Variants in ARHGAP39 observed in about 807,000 individuals in gnomAD.
ARHGAP39 encodes the protein Rho GTPase activating protein 39.
ARHGAP39 carries 44 observed loss-of-function variants against 106.9 expected under a neutral mutation model. The ratio of observed to expected loss-of-function variants is 0.41; its 90% CI spans 0.32 to 0.53. The LOEUF (loss-of-function observed/expected upper bound fraction) is 0.53. Among genes scored for constraint, ARHGAP39 ranks in the 20% least tolerant of loss-of-function variants. The pLI is 0.21. For synonymous variants in ARHGAP39, 768 were observed against 693.2 expected, an observed-to-expected ratio of 1.11 and a Z score of -1.69; for missense variants, 1,496 against 1,577.3, an observed-to-expected ratio of 0.95 and a Z score of 0.87.
In ARHGAP39 at chr8:144,581,088, C is replaced by T. The variant is rs1386818797; in HGVS notation, c.270G>A (p.Thr90=). 7 of 1,589,516 alleles carry T rather than the reference C, an allele frequency of 4.4e-6. No individual in the cohort carries two copies. The highest frequency in any genetic ancestry group is 4.3e-6 in the Non-Finnish European group (5 of 1,168,954). ...FYYYNASTQR[T]VWHRPQGCDI... ...CGCAGCCCTGCGGCCGGTGCCACAC[C>T]GTGCGCTGCGTGCTGGCATTGTAGT... Residue 90 remains threonine (T), a synonymous_variant, in exon 3 of 12, where the codon ACG becomes ACA. Transcript: ENST00000377307.
the ARHGAP39 span, among the ~76,000 whole-genome samples, chr8:144,692,188 T>C: frequency 1.3e-5 from 2 of 152,086 alleles, no homozygotes; most frequent in African/African-American, 4.8e-5. Flanking sequence ...CTCTGTCTCT[T>C]TCCCCCTCCC....
intron 1 of ARHGAP39, among the ~76,000 whole-genome samples, chr8:144,613,964 G>C (rs998436604): frequency 1.3e-5 from 2 of 152,058 alleles, no homozygotes; most frequent in Non-Finnish European, 2.9e-5. Flanking sequence ...TCTTTTCCTT[G>C]TTTCAGTTTG....
At chr8:144,608,156 CAAAAAAAAAAAAAA>C (rs60966946) in intron 1 of ARHGAP39, among the ~76,000 whole-genome samples, 3 of 96,330 alleles carry the variant, frequency 3.1e-5, no homozygotes, top group Admixed American at 1.2e-4. Flanking sequence ...GACTCTGTCT[CAAAAAAAAAAAAAA>C]AAAAAAAAAA....
At chr8:144,566,545 AC>A (rs976586414) in intron 3 of ARHGAP39, among the ~76,000 whole-genome samples, 7 of 152,150 alleles carry the variant, frequency 4.6e-5, no homozygotes, top group Middle Eastern at 3.2e-3. Context: ...AAAGAGCCAG[AC>A]CCTGCCTCAA....
chr8:144,691,934 G>A, the ARHGAP39 span, among the ~76,000 whole-genome samples: 4 of 152,200 alleles, frequency 2.6e-5, no homozygotes, highest in Non-Finnish European at 5.9e-5. Flanking sequence ...TTCTTCTGTA[G>A]TTTGCTGTCC....
chr8:144,694,341 C>T, the ARHGAP39 span, among the ~76,000 whole-genome samples: 1 of 152,070 alleles, frequency 6.6e-6, no homozygotes, highest in Non-Finnish European at 1.5e-5. Flanking sequence ...GGGTAATGAA[C>T]GTTCACTGTT....
Position 144,547,532 on chromosome 8 carries a change from C to T in ARHGAP39, c.1554G>A (p.Val518=). 1 of 1,480,596 alleles carries T rather than the reference C, an allele frequency of 6.8e-7. No homozygotes were observed. The highest frequency in any genetic ancestry group is 8.9e-7 in the Non-Finnish European group (1 of 1,119,202). 91.7% of individuals were successfully genotyped at this position (1,480,596 alleles called of 1,614,324 possible). A position where few individuals can be genotyped will look rare whatever the true frequency, so the allele number is the denominator to read the frequency against. The change falls in exon 5 of 12, where the codon GTG becomes GTA. Residue 518 remains valine, a synonymous_variant. Transcript: ENST00000377307. The surrounding 1 kb of genome is among the most constrained non-coding windows in gnomAD (Gnocchi z 5.2). ...TPTEGPGDLL[V]EQPLAEEQPP... ...GCTGTTCCTCGGCCAGGGGCTGCTC[C>T]ACAAGCAGGTCCCCGGGGCCCTCAG...
intron 2 of ARHGAP39, among the ~76,000 whole-genome samples, chr8:144,593,319 C>G (rs1215864208): frequency 6.6e-6 from 1 of 152,086 alleles, no homozygotes; most frequent in African/African-American, 2.4e-5. Context: ...ACAAGGGTGT[C>G]GAGACCACTC....
chr8:144,595,098 C>T (rs746739285), intron 2 of ARHGAP39, among the ~76,000 whole-genome samples: 4 of 152,228 alleles, frequency 2.6e-5, no homozygotes, highest in Admixed American at 6.5e-5. Context: ...TAGGTATACA[C>T]ACCCAAGAGA....
chr8:144,554,309 G>A (rs758823852), intron 4 of ARHGAP39, among the ~76,000 whole-genome samples: 10 of 152,174 alleles, frequency 6.6e-5, no homozygotes, highest in East Asian at 1.9e-4. Flanking sequence ...TTAGCTCAGC[G>A]ACCCACCCCC....
intron 1 of ARHGAP39, among the ~76,000 whole-genome samples, chr8:144,632,918 C>T (rs934731490): frequency 6.6e-6 from 1 of 152,228 alleles, no homozygotes; most frequent in African/African-American, 2.4e-5. Context: ...AGAAATCTTC[C>T]GGGCCATGCT....
chr8:144,619,222 G>A (rs1218820430), intron 1 of ARHGAP39, among the ~76,000 whole-genome samples: 1 of 152,244 alleles, frequency 6.6e-6, no homozygotes, highest in Non-Finnish European at 1.5e-5. Flanking sequence ...CTCCAGACAG[G>A]GTCTGCTGGG....
At chr8:144,543,728 C>T (rs1817290134) in intron 6 of ARHGAP39, 1 of 152,380 alleles carries the variant, frequency 6.6e-6, no homozygotes, top group Non-Finnish European at 1.5e-5. Flanking sequence ...GGGCAGCAGC[C>T]TGGAGCACAC....
chr8:144,533,380 G>A (rs530515786), intron 8 of ARHGAP39, 55 bp from the exon 9 acceptor site: 9 of 1,554,380 alleles, frequency 5.8e-6, no homozygotes, highest in East Asian at 2.3e-5. Context: ...AGGACCCCCC[G>A]CCACCCCGGT....
intron 2 of ARHGAP39, among the ~76,000 whole-genome samples, chr8:144,600,998 G>A (rs1819887208): frequency 7.0e-6 from 1 of 143,876 alleles, no homozygotes; most frequent in South Asian, 2.3e-4. Context: ...GCGAGCTCAT[G>A]TACCTGTGTG....
chr8:144,628,342 T>G (rs1316997656), intron 1 of ARHGAP39, among the ~76,000 whole-genome samples: 1 of 151,876 alleles, frequency 6.6e-6, no homozygotes, highest in African/African-American at 2.4e-5. Context: ...GGGACACTCA[T>G]GAGAGCTACA....
At chr8:144,654,407 G>C (rs1350996011) in intron 1 of ARHGAP39, among the ~76,000 whole-genome samples, 2 of 152,146 alleles carry the variant, frequency 1.3e-5, no homozygotes, top group African/African-American at 2.4e-5. Context: ...CGGGAGCTGA[G>C]GTGGGAGGAT....
intron 1 of ARHGAP39, among the ~76,000 whole-genome samples, chr8:144,642,674 A>G (rs532400083): frequency 2.0e-5 from 3 of 152,198 alleles, no homozygotes; most frequent in Admixed American, 6.5e-5. Context: ...ACTGTGAATA[A>G]GTGTCATGAG....
At chr8:144,663,324 G>A (rs576440572) in intron 1 of ARHGAP39, among the ~76,000 whole-genome samples, 2 of 152,274 alleles carry the variant, frequency 1.3e-5, no homozygotes, top group East Asian at 1.9e-4. Context: ...TGCTTCTGGT[G>A]AGGCCTCAGG....
Sources: gnomAD v4.1 joint callset for allele counts (sites outside exome capture counted in the v4.1 genomes callset) on GRCh38, gnomAD v4.1.1 for gene constraint, Gnocchi (gnomAD v3.1) non-coding constraint, MANE v1.5 for transcripts, NCBI Gene and HGNC (gene_info 2026-07-23, HGNC 2026-07-21) for gene names.